Variants in PTPN14 observed in about 807,000 individuals in gnomAD.
PTPN14 encodes the protein tyrosine-protein phosphatase non-receptor type 14.
Under a neutral mutation model 126.8 loss-of-function variants are expected in PTPN14, and 53 were observed. The observed-to-expected ratio is 0.42, with a 90% confidence interval of 0.34 to 0.53. PTPN14 has a LOEUF of 0.53. Among genes scored for constraint, PTPN14 ranks in the 20% least tolerant of loss-of-function variants. The pLI is 0.08. For missense variants in PTPN14, 1,257 were observed against 1,552.9 expected, an observed-to-expected ratio of 0.81 and a Z score of 3.20; for synonymous variants, 630 against 599.3, an observed-to-expected ratio of 1.05 and a Z score of -0.75.
chr1:214,524,167 T>C (rs59286012), intron 1 of PTPN14, among the ~76,000 whole-genome samples: 56,975 of 151,774 alleles, frequency 0.38, 14,179 homozygotes, highest in African/African-American at 0.7. Context: ...TTCTATAGTA[T>C]GCTACATAAG....
chr1:214,476,626 C>T (rs1660873080), intron 1 of PTPN14, among the ~76,000 whole-genome samples: 1 of 152,224 alleles, frequency 6.6e-6, no homozygotes, highest in Non-Finnish European at 1.5e-5. Flanking sequence ...GCATCCAGCA[C>T]TGAGCTTCCC....
Position 214,489,520 on chromosome 1 carries a change from G to A in PTPN14, c.-154-24563C>T, listed in dbSNP as rs183668614. Among the ~76,000 whole-genome samples, 54 of 152,264 alleles carry A rather than the reference G, an allele frequency of 3.5e-4. No homozygotes were observed. The East Asian group carries it at 9.6e-3, about 27-fold the overall frequency. On this transcript the variant is annotated intron_variant, in intron 1 of 18. Transcript: ENST00000366956. The stretch of plus-strand genomic sequence containing the variant: ...TCAACTCCTATTTGTCTTTCAGAAC[G>A]CGTTTGGAGTCAACCTTCCAGGAAA...
Position 214,551,475 on chromosome 1 carries a change from T to C in PTPN14, c.-447A>G, listed in dbSNP as rs1248259518. 1.3e-5 allele frequency: 2 copies of C among 152,346 alleles called. No individual in the cohort carries two copies. Among genetic ancestry groups the C allele is most frequent in the Admixed American group, 6.5e-5 (1 of 15,282 alleles). The allele number at this position is 152,346 out of a possible 1,614,324, so 9.4% of individuals were successfully genotyped here. The stretch of plus-strand genomic sequence containing the variant: ...GAGGGGAAGGAGCGCCAGTGGCCAC[T>C]TGATGTCTGTCTAGGGCTCCCCGAG... On this transcript the variant is annotated 5_prime_UTR_variant, in exon 1 of 19. Coordinates refer to ENST00000366956, the MANE Select transcript of PTPN14 (RefSeq NM_005401.5).
chr1:214,464,734 G>A lies in PTPN14; in HGVS notation c.70C>T (p.Arg24Trp), dbSNP rs1660589829. The A allele has an allele frequency of 1.9e-6, 3 of 1,614,284 alleles. No homozygotes were observed. Among genetic ancestry groups the A allele is most frequent in the Non-Finnish European group, 2.5e-6 (3 of 1,180,054 alleles). Residue 24 changes from arginine to tryptophan, a missense_variant, in exon 2 of 19, where the codon CGG (arginine) becomes TGG (tryptophan). By Grantham distance (101) the Arg-to-Trp change is moderately radical. Transcript: ENST00000366956. ...ACATTGCTGTCCAGCAGGCGAATCC[G>A]TGTGACAAAGCAGTTCTTGCTCAGG... ...NVLSKNCFVT[R>W]IRLLDSNVIE... is the part of the protein sequence containing the mutation.
chr1:214,499,605 A>G (rs1654630450), intron 1 of PTPN14, among the ~76,000 whole-genome samples: 1 of 152,170 alleles, frequency 6.6e-6, no homozygotes, highest in Non-Finnish European at 1.5e-5. Context: ...AACACATTGT[A>G]TCTCTTCCCT....
chr1:214,388,565 G>A (rs770247806), intron 11 of PTPN14, among the ~76,000 whole-genome samples: 1 of 152,056 alleles, frequency 6.6e-6, no homozygotes, highest in Non-Finnish European at 1.5e-5. Flanking sequence ...GTGCCACCAG[G>A]CCCTTCTAGT....
chr1:214,460,480 CACAG>C (rs1660484653), intron 2 of PTPN14, among the ~76,000 whole-genome samples: 1 of 149,898 alleles, frequency 6.7e-6, no homozygotes, highest in African/African-American at 2.5e-5. Flanking sequence ...TCCACACACA[CACAG>C]ATCAATGCAA....
At chr1:214,535,187 T>C (rs1384474297) in intron 1 of PTPN14, among the ~76,000 whole-genome samples, 1 of 152,212 alleles carries the variant, frequency 6.6e-6, no homozygotes, top group African/African-American at 2.4e-5. Flanking sequence ...TGTTTATACT[T>C]CATCTGCACC....
At chr1:214,499,174 T>C (rs1444258590) in intron 1 of PTPN14, among the ~76,000 whole-genome samples, 1 of 151,954 alleles carries the variant, frequency 6.6e-6, no homozygotes, top group African/African-American at 2.4e-5. Flanking sequence ...TGTGAGAAAA[T>C]TCTTCGTTCA....
intron 1 of PTPN14, among the ~76,000 whole-genome samples, chr1:214,533,983 TAA>T (rs1655631292): frequency 6.6e-6 from 1 of 152,286 alleles, no homozygotes; most frequent in South Asian, 2.1e-4. Context: ...AAGAAAATTA[TAA>T]GTGGCTCTTG....
chr1:214,505,323 C>T (rs1009618705), intron 1 of PTPN14, among the ~76,000 whole-genome samples: 1 of 152,130 alleles, frequency 6.6e-6, no homozygotes, highest in African/African-American at 2.4e-5. Context: ...AGAAACATCT[C>T]GAGCAGGGGA....
At chr1:214,495,663 T>TTTA (rs1661346475) in intron 1 of PTPN14, among the ~76,000 whole-genome samples, 8 of 3,632 alleles carry the variant, frequency 2.2e-3, no homozygotes, top group African/African-American at 4.4e-3. Context: ...ATTTTATTTT[T>TTTA]TTTATTTATT....
chr1:214,383,329 C>T lies in PTPN14; in HGVS notation c.2526G>A (p.Glu842=). ...EMFSLEDSII[E]REMMIRNLEK... is the part of the protein sequence containing the mutation. ...CACTCACCCTGATCATCATCTCTCT[C>T]TCTATAATGCTGTCTTCCAGGGAAA... Residue 842 remains glutamate (E), a synonymous_variant, in exon 13 of 19, where the codon GAG becomes GAA. Transcript: ENST00000366956. The surrounding 1 kb of genome is among the most constrained non-coding windows in gnomAD (Gnocchi z 4.4). 4.3e-6 allele frequency: 7 copies of T among 1,612,038 alleles called. No individual in the cohort carries two copies. Among genetic ancestry groups the T allele is most frequent in the Non-Finnish European group, 4.2e-6 (5 of 1,178,256 alleles).
intron 1 of PTPN14, among the ~76,000 whole-genome samples, chr1:214,471,811 G>A (rs10157143): frequency 0.016 from 2,496 of 152,288 alleles, 70 homozygotes; most frequent in African/African-American, 0.057. Context: ...AATGTCCTCT[G>A]AAGAGCCCAT....
In PTPN14 at chr1:214,372,577, AAAGAG is replaced by A. The variant is rs1231963544; in HGVS notation, c.3036+129_3036+133del. The A allele has an allele frequency of 6.1e-6, 8 of 1,306,948 alleles. No homozygotes were observed. The African/African-American group carries it at 8.8e-5, about 14-fold the overall frequency. The allele number at this position is 1,306,948 out of a possible 1,614,324, so 81.0% of individuals were successfully genotyped here. ...GGAAGTAAGAAAACAGATGTATACC[AAAGAG>A]AAAAGCATGTGCAGAGAAACAGCAC... is the stretch of plus-strand genomic sequence containing the variant. On this transcript the variant is annotated intron_variant, in intron 16 of 18. Coordinates refer to ENST00000366956, the MANE Select transcript of PTPN14 (RefSeq NM_005401.5).
Position 214,535,399 on chromosome 1 carries a change from A to T in PTPN14, c.-155+15784T>A, listed in dbSNP as rs552176931. ...CAAAGGTTATTATTCAACCTTTCACATGTACGATTTAGGGTTCAACAATTC... is the reference window on the plus strand; with the variant it reads ...CAAAGGTTATTATTCAACCTTTCACTTGTACGATTTAGGGTTCAACAATTC... On this transcript the variant is annotated intron_variant, in intron 1 of 18. Coordinates refer to ENST00000366956, the MANE Select transcript of PTPN14 (RefSeq NM_005401.5). Among the ~76,000 whole-genome samples, 5 of 152,356 alleles carry T rather than the reference A, an allele frequency of 3.3e-5. No homozygotes were observed. In the East Asian group the frequency reaches 9.6e-4, roughly 29 times the overall value.
At chr1:214,488,818 AT>A (rs1204379897) in intron 1 of PTPN14, among the ~76,000 whole-genome samples, 1 of 152,206 alleles carries the variant, frequency 6.6e-6, no homozygotes, top group African/African-American at 2.4e-5. Flanking sequence ...CTGTAATATT[AT>A]TGCCTTTTCC....
intron 1 of PTPN14, among the ~76,000 whole-genome samples, chr1:214,495,918 T>C (rs1654479769): frequency 6.6e-6 from 1 of 152,074 alleles, no homozygotes; most frequent in Admixed American, 6.6e-5. Flanking sequence ...GGTCTCGAAC[T>C]CCCGACCTCT....
chr1:214,516,789 C>T (rs917265743), intron 1 of PTPN14, among the ~76,000 whole-genome samples: 1 of 152,030 alleles, frequency 6.6e-6, no homozygotes, highest in Non-Finnish European at 1.5e-5. Context: ...AGTGTTCCAC[C>T]TAGGGAAATT....
Sources: gnomAD v4.1 joint callset for allele counts (sites outside exome capture counted in the v4.1 genomes callset) on GRCh38, gnomAD v4.1.1 for gene constraint, Gnocchi (gnomAD v3.1) non-coding constraint, MANE v1.5 for transcripts, NCBI Gene and HGNC (gene_info 2026-07-23, HGNC 2026-07-21) for gene names.